AFF2: variants seen among roughly 807,000 people sequenced by gnomAD.
AFF2 encodes ALF transcription elongation factor 2, also known as AF4/FMR2 family member 2.
A neutral mutation model predicts 76.9 loss-of-function variants in AFF2; 14 were observed. The ratio of observed to expected loss-of-function variants is 0.18; its 90% CI spans 0.12 to 0.28. The LOEUF (loss-of-function observed/expected upper bound fraction) is 0.28, where lower values mean the gene tolerates loss of function less well. Ranked by LOEUF, AFF2 falls within the 10% of genes least tolerant of loss-of-function variation. AFF2 has a pLI of 1.00. For missense variants in AFF2, 868 were observed against 1,001.1 expected, an observed-to-expected ratio of 0.87 and a Z score of 1.79; for synonymous variants, 398 against 366.7, an observed-to-expected ratio of 1.09 and a Z score of -0.98.
At chrX:148,966,214 A>C (rs7055694) in intron 13 of AFF2, among the ~76,000 whole-genome samples, 5,133 of 111,573 alleles carry the variant, frequency 0.046, 275 homozygotes, top group African/African-American at 0.16. Context: ...TCACATGAAC[A>C]AAAGGGCGGC....
intron 1 of AFF2, among the ~76,000 whole-genome samples, chrX:148,639,336 C>CA (rs1202874935): frequency 8.9e-6 from 1 of 111,760 alleles, no homozygotes; most frequent in Non-Finnish European, 1.9e-5. Flanking sequence ...TACTCACCTT[C>CA]AAAAAAAATT....
At chrX:148,781,214 T>C in intron 3 of AFF2, among the ~76,000 whole-genome samples, 1 of 112,101 alleles carries the variant, frequency 8.9e-6, no homozygotes. Context: ...AGGGACCCAC[T>C]TGAGGAGGCA....
intron 4 of AFF2, among the ~76,000 whole-genome samples, chrX:148,814,084 C>T (rs16992925): frequency 0.038 from 4,304 of 112,054 alleles, 189 homozygotes; most frequent in African/African-American, 0.13. Context: ...GCTACCCTCA[C>T]GTGCAAACGG....
intron 1 of AFF2, among the ~76,000 whole-genome samples, chrX:148,589,121 G>A (rs1557246245): frequency 3.6e-5 from 4 of 110,670 alleles, no homozygotes; most frequent in Non-Finnish European, 7.6e-5. Flanking sequence ...AGGAGGGAGG[G>A]GGGCAGAGAG....
chrX:148,829,924 C>G (rs963685531), intron 4 of AFF2, among the ~76,000 whole-genome samples: 4 of 112,204 alleles, frequency 3.6e-5, no homozygotes, highest in African/African-American at 1.3e-4. Flanking sequence ...CAAAGCAGGT[C>G]TCAAATCTCT....
intron 3 of AFF2, among the ~76,000 whole-genome samples, chrX:148,681,598 GAAGA>G (rs2054549233): frequency 2.0e-5 from 2 of 98,513 alleles, no homozygotes; most frequent in Non-Finnish European, 2.0e-5. Flanking sequence ...GAGAGAGAAT[GAAGA>G]AAGGAAAGAA....
intron 1 of AFF2, among the ~76,000 whole-genome samples, chrX:148,581,289 T>C (rs2053384217): frequency 3.3e-5 from 3 of 91,350 alleles, no homozygotes; most frequent in African/African-American, 1.3e-4. Flanking sequence ...CGTATATACG[T>C]ATACGTGTAC....
intron 1 of AFF2, among the ~76,000 whole-genome samples, chrX:148,505,427 A>C (rs1197619442): frequency 8.9e-6 from 1 of 112,163 alleles, no homozygotes; most frequent in Non-Finnish European, 1.9e-5. Flanking sequence ...TCAAGGTAGA[A>C]AATGACTGCC....
chrX:148,635,804 G>T (rs1251024916), intron 1 of AFF2, among the ~76,000 whole-genome samples: 1 of 109,921 alleles, frequency 9.1e-6, no homozygotes, highest in Non-Finnish European at 1.9e-5. Flanking sequence ...CCACTCCAGA[G>T]GGAAATGAAT....
At chrX:148,673,107 G>A (rs138323705) in intron 3 of AFF2, among the ~76,000 whole-genome samples, 3 of 111,946 alleles carry the variant, frequency 2.7e-5, no homozygotes, top group South Asian at 3.7e-4. Context: ...GGTGAGTGTC[G>A]CTCTACCTCA....
At chrX:148,978,078 G>A in intron 17 of AFF2, 74 bp downstream of exon 17, 1 of 737,525 alleles carries the variant, frequency 1.4e-6, no homozygotes, top group Admixed American at 2.3e-5. Context: ...ATCAACTTAA[G>A]CTGCTTACCC....
chrX:148,732,660 C>T (rs1239901031), intron 3 of AFF2, among the ~76,000 whole-genome samples: 1 of 104,543 alleles, frequency 9.6e-6, no homozygotes, highest in Admixed American at 1.0e-4. Flanking sequence ...CTTCAGTATT[C>T]TGATCTTGTT....
intron 1 of AFF2, among the ~76,000 whole-genome samples, chrX:148,592,166 T>G (rs1443650446): frequency 1.8e-5 from 2 of 111,946 alleles, no homozygotes; most frequent in Non-Finnish European, 3.8e-5. Context: ...AGGAGCCTGA[T>G]GACTCCAGTT....
chrX:148,978,688 A>T (rs1401388089), intron 18 of AFF2, among the ~76,000 whole-genome samples: 1 of 111,996 alleles, frequency 8.9e-6, no homozygotes, highest in African/African-American at 3.2e-5. Flanking sequence ...GACTCACCAA[A>T]TGACCCTTGG....
intron 3 of AFF2, among the ~76,000 whole-genome samples, chrX:148,797,183 G>T (rs781853353): frequency 8.9e-6 from 1 of 111,900 alleles, no homozygotes; most frequent in South Asian, 3.7e-4. Context: ...AACACAAGTT[G>T]AATCTTTCAA....
intron 18 of AFF2, among the ~76,000 whole-genome samples, chrX:148,980,227 T>G (rs2072375193): frequency 1.8e-5 from 2 of 112,138 alleles, no homozygotes; most frequent in African/African-American, 6.5e-5. Context: ...GGGAAGCTCT[T>G]TAGCCATGAG....
At chrX:148,610,116 A>C (rs782458072) in intron 1 of AFF2, among the ~76,000 whole-genome samples, 6 of 111,808 alleles carry the variant, frequency 5.4e-5, no homozygotes, top group Non-Finnish European at 7.5e-5. Context: ...GGAATTGCCC[A>C]TGTGAAGAGA....
chrX:148,770,383 A>G (rs1196354422), intron 3 of AFF2, among the ~76,000 whole-genome samples: 1 of 111,956 alleles, frequency 8.9e-6, no homozygotes, highest in African/African-American at 3.2e-5. Flanking sequence ...CACAAATAAA[A>G]TTGTTACTCC....
At chrX:148,574,654 C>G (rs1557243073) in intron 1 of AFF2, among the ~76,000 whole-genome samples, 1 of 111,274 alleles carries the variant, frequency 9.0e-6, no homozygotes, top group Admixed American at 9.6e-5. Flanking sequence ...TTATGGTACT[C>G]TTTCCTGCCC....
Sources: gnomAD v4.1 joint callset for allele counts (sites outside exome capture counted in the v4.1 genomes callset) on GRCh38, gnomAD v4.1.1 for gene constraint, MANE v1.5 for transcripts, NCBI Gene and HGNC (gene_info 2026-07-23, HGNC 2026-07-21) for gene names.